The following RGS6 variants were observed in gnomAD, a reference collection of about 807,000 sequenced individuals.
The protein encoded by RGS6 is regulator of G-protein signaling 6.
RGS6 carries 30 observed loss-of-function variants against 78.5 expected under a neutral mutation model. That is an observed-to-expected ratio of 0.38 (90% CI 0.29 to 0.52). The LOEUF is 0.52. RGS6 is among the 20% of genes least tolerant of loss of function. The pLI, the probability that RGS6 is intolerant of heterozygous loss-of-function variation, is 0.85. For synonymous variants in RGS6, 206 were observed against 206.0 expected (o/e 1.00, Z 0.00); for missense variants, 495 against 609.7 (o/e 0.81, Z 1.98).
At chr14:72,217,910 T>TATA (rs1228838613) in intron 2 of RGS6, among the ~76,000 whole-genome samples, 1 of 152,196 alleles carries the variant, frequency 6.6e-6, no homozygotes, top group Non-Finnish European at 1.5e-5. Context: ...CATTTACACA[T>TATA]ATACATACAA....
chr14:72,180,136 C>T (rs2097155958), intron 2 of RGS6, among the ~76,000 whole-genome samples: 1 of 152,198 alleles, frequency 6.6e-6, no homozygotes, highest in Non-Finnish European at 1.5e-5. Context: ...ATTTCTCTTC[C>T]ATTATTTGTA....
chr14:72,184,023 A>C (rs550225707), intron 2 of RGS6, among the ~76,000 whole-genome samples: 35 of 152,070 alleles, frequency 2.3e-4, no homozygotes, highest in Non-Finnish European at 4.3e-4. Flanking sequence ...AATGTTCTGT[A>C]GTTTCTGTAA....
chr14:72,184,724 A>G (rs906000123), intron 2 of RGS6, among the ~76,000 whole-genome samples: 2 of 152,162 alleles, frequency 1.3e-5, no homozygotes, highest in Non-Finnish European at 2.9e-5. Flanking sequence ...TCACTTGGCA[A>G]AGTTTATTAT....
At chr14:71,973,020 C>A (rs753945965) in intron 2 of RGS6, among the ~76,000 whole-genome samples, 1 of 152,096 alleles carries the variant, frequency 6.6e-6, no homozygotes, top group Admixed American at 6.5e-5. Flanking sequence ...TGTAAATGGA[C>A]CAGGATATCT....
intron 2 of RGS6, among the ~76,000 whole-genome samples, chr14:72,258,302 G>T (rs1204904046): frequency 6.6e-6 from 1 of 152,206 alleles, no homozygotes; most frequent in Non-Finnish European, 1.5e-5. Flanking sequence ...CCACATGTTA[G>T]ATTTGGCCAG....
At chr14:72,348,976 C>G (rs2078596421) in intron 2 of RGS6, among the ~76,000 whole-genome samples, 1 of 152,062 alleles carries the variant, frequency 6.6e-6, no homozygotes, top group Non-Finnish European at 1.5e-5. Flanking sequence ...ACCATCCTGG[C>G]TAACATGGTG....
chr14:71,985,332 C>A (rs1331915846), intron 2 of RGS6, among the ~76,000 whole-genome samples: 1 of 152,154 alleles, frequency 6.6e-6, no homozygotes, highest in Non-Finnish European at 1.5e-5. Flanking sequence ...CTATGTTGGC[C>A]AGAATGGTCT....
chr14:72,384,231 T>G (rs1157369917), intron 3 of RGS6, among the ~76,000 whole-genome samples: 2 of 152,220 alleles, frequency 1.3e-5, no homozygotes, highest in East Asian at 3.9e-4. Flanking sequence ...GTTATTTCAA[T>G]GTTGTCACTC....
At chr14:72,470,412 G>A (rs2239280) in intron 8 of RGS6, among the ~76,000 whole-genome samples, 11,897 of 152,266 alleles carry the variant, frequency 0.078, 499 homozygotes, top group Middle Eastern at 0.095. Flanking sequence ...CATTTTACCC[G>A]TTGGACTGGA....
At chr14:71,918,736 C>A in the RGS6 span, among the ~76,000 whole-genome samples, 2 of 152,192 alleles carry the variant, frequency 1.3e-5, no homozygotes, top group East Asian at 3.8e-4. Context: ...CCCTGGTATG[C>A]AAGTCTGTTA....
intron 2 of RGS6, among the ~76,000 whole-genome samples, chr14:72,113,807 C>T (rs972363494): frequency 1.3e-5 from 2 of 152,086 alleles, no homozygotes; most frequent in African/African-American, 2.4e-5. Flanking sequence ...CAAAGCAAGT[C>T]GCATGGCTGT....
In RGS6 at chr14:72,023,305, A is replaced by C. The variant is rs866791093; in HGVS notation, c.84+58430A>C. On this transcript the variant is annotated intron_variant, in intron 2 of 17. Transcript: ENST00000553525. Reference sequence around the variant, plus strand: ...GCCTTCCGGCTACCCAAGAAAGTCAATTTCCTTCTTTAATAGCTGTGACTC... The same window carrying C: ...GCCTTCCGGCTACCCAAGAAAGTCACTTTCCTTCTTTAATAGCTGTGACTC... 5.3e-5 allele frequency among the ~76,000 whole-genome samples: 8 copies of C among 152,132 alleles called. No homozygotes were observed. The South Asian group carries it at 1.5e-3, about 28-fold the overall frequency.
chr14:71,940,813 C>A (rs961939290), intron 1 of RGS6, among the ~76,000 whole-genome samples: 1 of 152,188 alleles, frequency 6.6e-6, no homozygotes, highest in Non-Finnish European at 1.5e-5. Context: ...AGGCATTGGT[C>A]AAGGGTATAT....
the RGS6 span, among the ~76,000 whole-genome samples, chr14:71,914,181 A>C: frequency 1.3e-5 from 2 of 152,170 alleles, no homozygotes; most frequent in East Asian, 3.8e-4. Flanking sequence ...GCTGACTGCT[A>C]AGTTGTAGGC....
the RGS6 span, chr14:72,620,117 T>C: frequency 1.2e-6 from 1 of 828,160 alleles, no homozygotes; most frequent in Non-Finnish European, 1.8e-6. Flanking sequence ...CCACTTGGAG[T>C]CCTCACTGTC....
intron 3 of RGS6, among the ~76,000 whole-genome samples, chr14:72,402,790 G>GTTGTT (rs2092563194): frequency 2.6e-5 from 2 of 75,800 alleles, no homozygotes; most frequent in Non-Finnish European, 4.7e-5. Context: ...TGTTTTTTTG[G>GTTGTT]TTTTTTTTTT....
At position 72,050,235 on chromosome 14, in the gene RGS6, C is replaced by T. The variant is rs571837306; in HGVS notation, c.84+85360C>T. ...ACGCTTACAGCTAGTATGGTGACAA[C>T]GGACTATATCTCCTTTAACTGATTT... On this transcript the variant is annotated intron_variant, in intron 2 of 17. Transcript: ENST00000553525. Among the ~76,000 whole-genome samples, 5 of 152,308 alleles carry T rather than the reference C, an allele frequency of 3.3e-5. No homozygotes were observed. In the South Asian group the frequency reaches 6.2e-4, roughly 19 times the overall value.
intron 15 of RGS6, among the ~76,000 whole-genome samples, chr14:72,527,609 T>C (rs745807492): frequency 1.3e-5 from 2 of 152,202 alleles, no homozygotes; most frequent in African/African-American, 2.4e-5. Flanking sequence ...ATCCCACAAA[T>C]CATCCCTTGC....
chr14:72,560,796 A>ACG (rs1252403491), intron 17 of RGS6, among the ~76,000 whole-genome samples: 5 of 83,314 alleles, frequency 6.0e-5, no homozygotes, highest in Non-Finnish European at 1.0e-4. Flanking sequence ...GATTTTGTGG[A>ACG]CGTGTGTGTG....
Sources: allele counts gnomAD v4.1 joint callset (sites outside exome capture counted in the v4.1 genomes callset), GRCh38; gene constraint gnomAD v4.1.1; transcripts MANE v1.5; gene names NCBI Gene and HGNC (gene_info 2026-07-23, HGNC 2026-07-21).